The following PBX1 variants were observed in gnomAD, a reference collection of about 807,000 sequenced individuals.
The protein encoded by PBX1 is pre-B-cell leukemia transcription factor 1.
PBX1 carries 6 observed loss-of-function variants against 53.4 expected under a neutral mutation model. That is an observed-to-expected ratio of 0.11 (90% confidence interval 0.06 to 0.22). PBX1 has a LOEUF of 0.22. PBX1 is among the 10% of genes least tolerant of loss of function. PBX1 has a pLI of 1.00. For synonymous variants in PBX1, 204 were observed against 212.3 expected (o/e 0.96, Z 0.34); for missense variants, 251 against 551.4 (o/e 0.46, Z 5.46).
intron 2 of PBX1, among the ~76,000 whole-genome samples, chr1:164,586,625 T>G (rs1004846911): frequency 6.6e-6 from 1 of 152,222 alleles, no homozygotes; most frequent in African/African-American, 2.4e-5. Context: ...TTGTAAATTA[T>G]AAAGCACCAT....
chr1:164,640,556 G>GTTTTTTTTTTT (rs1272033438), intron 2 of PBX1, among the ~76,000 whole-genome samples: 21 of 30,646 alleles, frequency 6.9e-4, no homozygotes, highest in East Asian at 2.9e-3. Flanking sequence ...TTTTTTTTTT[G>GTTTTTTTTTTT]TGTTTTTTTT....
chr1:164,839,159 C>T (rs183085460), intron 8 of PBX1, among the ~76,000 whole-genome samples: 7 of 152,276 alleles, frequency 4.6e-5, no homozygotes, highest in East Asian at 3.9e-4. Flanking sequence ...GCTGATTTTC[C>T]GTAAGCCCAA....
chr1:164,837,679 A>G (rs1204293723), intron 8 of PBX1, among the ~76,000 whole-genome samples: 12 of 152,174 alleles, frequency 7.9e-5, no homozygotes, highest in Admixed American at 7.9e-4. Context: ...AGCTGAGCTT[A>G]TTTTTCTTTG....
chr1:164,751,580 C>CTTTTTTTTT, intron 2 of PBX1, among the ~76,000 whole-genome samples: 1 of 142,070 alleles, frequency 7.0e-6, no homozygotes. Flanking sequence ...TTATTGCCCC[C>CTTTTTTTTT]CTTTTTTTTT....
chr1:164,627,361 G>A (rs192717962), intron 2 of PBX1, among the ~76,000 whole-genome samples: 3 of 152,198 alleles, frequency 2.0e-5, no homozygotes, highest in African/African-American at 7.2e-5. Flanking sequence ...ATGCTCTATT[G>A]ATTTTTGAGT....
At chr1:164,651,512 C>T (rs1401456356) in intron 2 of PBX1, among the ~76,000 whole-genome samples, 1 of 152,110 alleles carries the variant, frequency 6.6e-6, no homozygotes, top group Non-Finnish European at 1.5e-5. Flanking sequence ...CTCTGCTCCC[C>T]ACCTCGTTAC....
At chr1:164,862,440 C>A (rs916251298) in intron 2 of PBX1, among the ~76,000 whole-genome samples, 2 of 152,204 alleles carry the variant, frequency 1.3e-5, no homozygotes, top group African/African-American at 4.8e-5. Context: ...CTTTCTGGCT[C>A]TCTTCCGAAC....
At chr1:164,741,016 T>C (rs1038442450) in intron 2 of PBX1, among the ~76,000 whole-genome samples, 1 of 152,244 alleles carries the variant, frequency 6.6e-6, no homozygotes, top group African/African-American at 2.4e-5. Context: ...TCTGTGTGAA[T>C]GCTCATGTTT....
chr1:164,761,531 G>A (rs916185768), intron 2 of PBX1, among the ~76,000 whole-genome samples: 5 of 151,552 alleles, frequency 3.3e-5, no homozygotes, highest in Admixed American at 6.6e-5. Flanking sequence ...TGCAAGCTCC[G>A]CCTCCCAGGT....
downstream of PBX1, chr1:164,854,407 A>G (rs1328507666): frequency 6.6e-6 from 1 of 152,172 alleles, no homozygotes; most frequent in African/African-American, 2.4e-5. Context: ...TATGCAGAAT[A>G]TAGCCTTCCT....
chr1:164,630,135 T>C (rs1445706777), intron 2 of PBX1, among the ~76,000 whole-genome samples: 1 of 152,208 alleles, frequency 6.6e-6, no homozygotes, highest in Non-Finnish European at 1.5e-5. Flanking sequence ...GGGGTGATGC[T>C]CGTGGGACAG....
At chr1:164,858,447 GCACA>G (rs4035257) in intron 2 of PBX1, among the ~76,000 whole-genome samples, 18,324 of 148,500 alleles carry the variant, frequency 0.12, 1,152 homozygotes, top group East Asian at 0.13. Flanking sequence ...CCCAGAGCCA[GCACA>G]CACACACACA....
downstream of PBX1, among the ~76,000 whole-genome samples, chr1:164,855,219 T>A (rs1012950746): frequency 6.6e-6 from 1 of 152,142 alleles, no homozygotes; most frequent in Non-Finnish European, 1.5e-5. Flanking sequence ...GTGCTAGGAT[T>A]ATAGGCGTGA....
chr1:164,707,416 T>TGA (rs1187837585), intron 2 of PBX1, among the ~76,000 whole-genome samples: 1 of 106,048 alleles, frequency 9.4e-6, no homozygotes, highest in African/African-American at 4.7e-5. Context: ...TGTGTGTGTG[T>TGA]GTGAGAGAGA....
At chr1:164,682,273 T>C (rs1446596591) in intron 2 of PBX1, 3 of 152,222 alleles carry the variant, frequency 2.0e-5, no homozygotes, top group Non-Finnish European at 2.9e-5. Context: ...GAGCAGACAC[T>C]TCAGTTGGAT....
At chr1:164,697,806 C>A (rs78187920) in intron 2 of PBX1, among the ~76,000 whole-genome samples, 1 of 152,134 alleles carries the variant, frequency 6.6e-6, no homozygotes, top group Admixed American at 6.5e-5. Context: ...TTCACATCAC[C>A]TCCCCCGACC....
chr1:164,761,613 T>C (rs1666819426), intron 2 of PBX1, among the ~76,000 whole-genome samples: 4 of 152,036 alleles, frequency 2.6e-5, no homozygotes, highest in African/African-American at 9.7e-5. Context: ...CCCGGCTAAT[T>C]TTTGTATTTT....
chr1:164,755,919 G>A (rs1430356986), intron 2 of PBX1, among the ~76,000 whole-genome samples: 1 of 151,250 alleles, frequency 6.6e-6, no homozygotes, highest in Admixed American at 6.6e-5. Context: ...CTGGCAGGGT[G>A]CCAGGGTTTT....
At chr1:164,561,250 C>G (rs1422727214) in intron 1 of PBX1, among the ~76,000 whole-genome samples, 1 of 152,126 alleles carries the variant, frequency 6.6e-6, no homozygotes, top group Non-Finnish European at 1.5e-5. Context: ...GTATTTCTGT[C>G]TACGTGAAAT....
Sources: allele counts gnomAD v4.1 joint callset (sites outside exome capture counted in the v4.1 genomes callset), GRCh38; gene constraint gnomAD v4.1.1; transcripts MANE v1.5; gene names NCBI Gene and HGNC (gene_info 2026-07-23, HGNC 2026-07-21).